GNG12: variants seen among roughly 807,000 people sequenced by gnomAD.
GNG12 encodes guanine nucleotide-binding protein G(I)/G(S)/G(O) subunit gamma-12.
For missense variants in GNG12, 69 were observed against 83.8 expected (o/e 0.82, Z 0.69); for synonymous variants, 28 against 29.7 (o/e 0.94, Z 0.19).
At chr1:67,746,059 A>G (rs1646505788) in intron 2 of GNG12, among the ~76,000 whole-genome samples, 1 of 152,262 alleles carries the variant, frequency 6.6e-6, no homozygotes, top group African/African-American at 2.4e-5. Flanking sequence ...GAAACAAGGT[A>G]TGCAGGACTA....
chr1:67,817,806 TTGC>T (rs1646962072), intron 1 of GNG12, among the ~76,000 whole-genome samples: 2 of 119,982 alleles, frequency 1.7e-5, no homozygotes, highest in Non-Finnish European at 1.8e-5. Context: ...TTTTTTTTTT[TTGC>T]GATGTCTCAT....
At chr1:67,820,295 AG>A (rs887384587) in intron 1 of GNG12, among the ~76,000 whole-genome samples, 3 of 151,912 alleles carry the variant, frequency 2.0e-5, no homozygotes, top group African/African-American at 7.3e-5. Flanking sequence ...AGGCTGAGAC[AG>A]GAGAATTGCT....
At chr1:67,756,729 T>C (rs1334456891) in intron 2 of GNG12, among the ~76,000 whole-genome samples, 1 of 152,216 alleles carries the variant, frequency 6.6e-6, no homozygotes, top group African/African-American at 2.4e-5. Context: ...CACAGATTCC[T>C]CTGTGATCTA....
intron 2 of GNG12, among the ~76,000 whole-genome samples, chr1:67,774,690 T>A (rs1048020714): frequency 2.6e-5 from 4 of 152,224 alleles, no homozygotes; most frequent in African/African-American, 4.8e-5. Context: ...TACTACTGGT[T>A]GCTCTCCCTC....
At chr1:67,708,753 G>T (rs1322634568) in intron 2 of GNG12, among the ~76,000 whole-genome samples, 1 of 152,180 alleles carries the variant, frequency 6.6e-6, no homozygotes, top group East Asian at 1.9e-4. Flanking sequence ...GTAGCAGTGT[G>T]GCAGTTTTAT....
chr1:67,786,848 A>C (rs1237238079), intron 1 of GNG12, among the ~76,000 whole-genome samples: 2 of 151,898 alleles, frequency 1.3e-5, no homozygotes, highest in Non-Finnish European at 2.9e-5. Flanking sequence ...GAAGCAGGAG[A>C]ACTGCTTGAA....
intron 2 of GNG12, among the ~76,000 whole-genome samples, chr1:67,719,553 A>G (rs1190973324): frequency 2.6e-5 from 4 of 152,214 alleles, no homozygotes; most frequent in Non-Finnish European, 5.9e-5. Flanking sequence ...TTCAATGGTT[A>G]ATTGTATGTT....
intron 1 of GNG12, among the ~76,000 whole-genome samples, chr1:67,830,465 T>C (rs892380914): frequency 6.6e-6 from 1 of 152,196 alleles, no homozygotes; most frequent in African/African-American, 2.4e-5. Context: ...TCTGTTGGCC[T>C]TGGACATCAG....
intron 2 of GNG12, among the ~76,000 whole-genome samples, chr1:67,721,977 G>A (rs1345065075): frequency 6.6e-6 from 1 of 152,086 alleles, no homozygotes; most frequent in African/African-American, 2.4e-5. Flanking sequence ...TTGGTGGGCT[G>A]ACAAAGCAGA....
intron 2 of GNG12, among the ~76,000 whole-genome samples, chr1:67,724,640 T>C (rs924807682): frequency 3.3e-5 from 5 of 152,202 alleles, no homozygotes; most frequent in African/African-American, 1.2e-4. Flanking sequence ...TCCACACACC[T>C]TGGCCTCCCA....
chr1:67,768,763 G>A (rs142105109), intron 2 of GNG12, among the ~76,000 whole-genome samples: 1 of 152,286 alleles, frequency 6.6e-6, no homozygotes, highest in African/African-American at 2.4e-5. Flanking sequence ...TAGTCTATCT[G>A]CCCACACTAA....
chr1:67,767,358 G>A (rs906665230), intron 2 of GNG12, among the ~76,000 whole-genome samples: 10 of 152,148 alleles, frequency 6.6e-5, no homozygotes, highest in African/African-American at 2.4e-4. Flanking sequence ...TCCATTGCCT[G>A]GAGACAGATA....
At chr1:67,727,408 CAT>C (rs1451875498) in intron 2 of GNG12, among the ~76,000 whole-genome samples, 7 of 152,298 alleles carry the variant, frequency 4.6e-5, no homozygotes, top group East Asian at 3.9e-4. Flanking sequence ...AAATAAATGA[CAT>C]GTGTTTATAT....
At chr1:67,801,532 CAAG>C (rs1438483134) in intron 1 of GNG12, among the ~76,000 whole-genome samples, 1 of 152,182 alleles carries the variant, frequency 6.6e-6, no homozygotes, top group East Asian at 1.9e-4. Context: ...GTCTATGAAC[CAAG>C]AAGTTTTTAT....
intron 2 of GNG12, among the ~76,000 whole-genome samples, chr1:67,729,115 C>T (rs1443548673): frequency 1.3e-5 from 2 of 152,044 alleles, no homozygotes; most frequent in Non-Finnish European, 1.5e-5. Flanking sequence ...ACAGGTGCTG[C>T]CCCATGTTCC....
chr1:67,771,735 G>C (rs72922795), intron 2 of GNG12, among the ~76,000 whole-genome samples: 1 of 152,128 alleles, frequency 6.6e-6, no homozygotes, highest in Non-Finnish European at 1.5e-5. Context: ...AGTGTTCCAG[G>C]AGAGGCAGCT....
chr1:67,825,886 C>G, intron 1 of GNG12, among the ~76,000 whole-genome samples: 1 of 152,314 alleles, frequency 6.6e-6, no homozygotes, highest in Middle Eastern at 3.4e-3. Flanking sequence ...TAAACAATGT[C>G]AACAGCACCC....
chr1:67,727,190 T>C (rs1646391809), intron 2 of GNG12, among the ~76,000 whole-genome samples: 1 of 152,244 alleles, frequency 6.6e-6, no homozygotes, highest in African/African-American at 2.4e-5. Flanking sequence ...CTTACTTATT[T>C]AATTGCAAAG....
Position 67,786,973 on chromosome 1 carries a change from GTGTGTGTGTGTGTA to G in GNG12, c.-76-9480_-76-9467del, listed in dbSNP as rs1646772409. ...TGTGTGTGTGTGTGTGTGTGTGTGT[GTGTGTGTGTGTGTA>G]TGTATATATATGTGTATATCTGTGT... is the stretch of plus-strand genomic sequence containing the variant. On this transcript the variant is annotated intron_variant, in intron 1 of 3. Transcript: ENST00000370982. Among the ~76,000 whole-genome samples the G allele has an allele frequency of 5.1e-5, 7 of 135,980 alleles. No homozygotes were observed. In the South Asian group the frequency reaches 6.9e-4, roughly 13 times the overall value. The allele number at this position is 135,980 out of a possible 152,430, so 89.2% of individuals were successfully genotyped here.
Sources: gnomAD v4.1 joint callset for allele counts (sites outside exome capture counted in the v4.1 genomes callset) on GRCh38, gnomAD v4.1.1 for gene constraint, MANE v1.5 for transcripts, NCBI Gene and HGNC (gene_info 2026-07-23, HGNC 2026-07-21) for gene names.